Variants in GHR observed in about 807,000 individuals in gnomAD.
The protein encoded by GHR is GH receptor.
A neutral mutation model predicts 67.1 loss-of-function variants in GHR; 35 were observed. The observed-to-expected ratio is 0.52, with a 90% CI of 0.40 to 0.69. The LOEUF (loss-of-function observed/expected upper bound fraction) is 0.69. Ranked by LOEUF, GHR falls within the 30% of genes least tolerant of loss-of-function variation. The probability of loss-of-function intolerance (pLI) is 0.00; values close to 1 mark genes in which losing one functional copy is unlikely to be tolerated. For missense variants in GHR, 792 were observed against 764.6 expected, an observed-to-expected ratio of 1.04 and a Z score of -0.42; for synonymous variants, 272 against 269.1, an observed-to-expected ratio of 1.01 and a Z score of -0.10.
At chr5:42,621,915 A>G (rs1753465108) in intron 2 of GHR, among the ~76,000 whole-genome samples, 1 of 152,204 alleles carries the variant, frequency 6.6e-6, no homozygotes, top group Admixed American at 6.5e-5. Flanking sequence ...TGTTTAGATT[A>G]CACAGGCTTC....
intron 3 of GHR, among the ~76,000 whole-genome samples, chr5:42,645,471 C>A (rs940384606): frequency 1.3e-5 from 2 of 152,160 alleles, no homozygotes; most frequent in Non-Finnish European, 2.9e-5. Flanking sequence ...AACCAATAGG[C>A]TTTTTATTTA....
chr5:42,559,976 GAT>G (rs960654616), intron 1 of GHR, among the ~76,000 whole-genome samples: 2 of 152,050 alleles, frequency 1.3e-5, no homozygotes, highest in African/African-American at 4.8e-5. Flanking sequence ...AGATCAACTA[GAT>G]ATAATTTCAC....
intron 8 of GHR, among the ~76,000 whole-genome samples, chr5:42,714,953 A>G (rs1246279529): frequency 1.3e-5 from 2 of 152,174 alleles, no homozygotes; most frequent in Non-Finnish European, 2.9e-5. Context: ...ATTTCTAGCC[A>G]TTGTGAAGGC....
At chr5:42,533,666 TTATTA>T (rs1483402316) in intron 1 of GHR, among the ~76,000 whole-genome samples, 5 of 151,940 alleles carry the variant, frequency 3.3e-5, no homozygotes, top group African/African-American at 7.2e-5. Flanking sequence ...GAGAATGCTT[TTATTA>T]TATTATATCT....
chr5:42,550,006 T>C (rs566845048), intron 1 of GHR: 2 of 488,640 alleles, frequency 4.1e-6, no homozygotes, highest in African/African-American at 4.2e-5. Flanking sequence ...ACCAGCCAGC[T>C]GGGGAAGGCC....
rs755252595 is a variant in GHR at position 42,719,303 on chromosome 5, A to G, written c.1796A>G (p.His599Arg). 2 of 1,614,166 alleles carry G rather than the reference A, an allele frequency of 1.2e-6. No individual in the cohort carries two copies. The highest frequency in any genetic ancestry group is 1.1e-5 in the South Asian group (1 of 91,088). ...EMPVPDYTSI[H>R]IVQSPQGLIL... is the part of the protein sequence containing the mutation. ...CCTGTCCCAGACTATACCTCCATTCATATAGTACAGTCCCCACAGGGCCTC... is the reference window on the plus strand; with the variant it reads ...CCTGTCCCAGACTATACCTCCATTCGTATAGTACAGTCCCCACAGGGCCTC... The change falls in exon 10 of 10, where the codon CAT becomes CGT. Residue 599 changes from histidine to arginine, a missense_variant. Coordinates refer to ENST00000230882, the MANE Select transcript of GHR (RefSeq NM_000163.5).
intron 1 of GHR, among the ~76,000 whole-genome samples, chr5:42,544,681 G>A (rs146573454): frequency 1.3e-5 from 2 of 152,128 alleles, no homozygotes; most frequent in African/African-American, 4.8e-5. Context: ...GAAAATATTA[G>A]GTATACAAAG....
chr5:42,492,991 C>T (rs1746176232), intron 1 of GHR, among the ~76,000 whole-genome samples: 2 of 152,182 alleles, frequency 1.3e-5, no homozygotes. Context: ...GGATCACTAA[C>T]AGGAATGTGT....
chr5:42,562,839 C>T (rs1579944347), intron 1 of GHR, among the ~76,000 whole-genome samples: 2 of 151,676 alleles, frequency 1.3e-5, no homozygotes, highest in Non-Finnish European at 2.9e-5. Flanking sequence ...TTAGTAGAGA[C>T]GGGGTTTCAC....
At chr5:42,484,423 A>G (rs1200965368) in intron 1 of GHR, among the ~76,000 whole-genome samples, 8 of 152,244 alleles carry the variant, frequency 5.3e-5, no homozygotes, top group Admixed American at 4.6e-4. Context: ...TGCATCAGAA[A>G]TAAGCATTTT....
intron 1 of GHR, among the ~76,000 whole-genome samples, chr5:42,493,380 A>G (rs1746195729): frequency 6.6e-6 from 1 of 152,228 alleles, no homozygotes; most frequent in South Asian, 2.1e-4. Flanking sequence ...CTGCCTAAGT[A>G]TTTAAACACT....
intron 3 of GHR, among the ~76,000 whole-genome samples, chr5:42,661,241 G>A (rs1202976153): frequency 6.6e-6 from 1 of 152,094 alleles, no homozygotes; most frequent in East Asian, 1.9e-4. Flanking sequence ...TCAGATTCAG[G>A]AAATACAAAG....
At chr5:42,681,449 C>T (rs1360866189) in intron 3 of GHR, among the ~76,000 whole-genome samples, 1 of 152,134 alleles carries the variant, frequency 6.6e-6, no homozygotes, top group Non-Finnish European at 1.5e-5. Flanking sequence ...GTTAAAAAGT[C>T]AGGAAACAAC....
chr5:42,445,125 G>A (rs573274132), intron 1 of GHR, among the ~76,000 whole-genome samples: 1 of 152,304 alleles, frequency 6.6e-6, no homozygotes, highest in East Asian at 1.9e-4. Context: ...GCTATACATT[G>A]AATTTTTTGT....
chr5:42,628,026 G>C (rs567685890), intron 2 of GHR, among the ~76,000 whole-genome samples: 1 of 152,082 alleles, frequency 6.6e-6, no homozygotes, highest in Non-Finnish European at 1.5e-5. Context: ...CTCTGAAGTC[G>C]GGCAGCCCAG....
At chr5:42,500,378 T>TTAAA (rs1441833481) in intron 1 of GHR, among the ~76,000 whole-genome samples, 1 of 152,242 alleles carries the variant, frequency 6.6e-6, no homozygotes, top group Non-Finnish European at 1.5e-5. Flanking sequence ...TAAATCTGGG[T>TTAAA]TCTGCCCTTC....
chr5:42,508,813 A>G (rs1746887261), intron 1 of GHR, among the ~76,000 whole-genome samples: 1 of 152,166 alleles, frequency 6.6e-6, no homozygotes, highest in Non-Finnish European at 1.5e-5. Flanking sequence ...TGACCTTGTG[A>G]TCCACCCGGC....
intron 1 of GHR, among the ~76,000 whole-genome samples, chr5:42,443,760 AAT>A (rs140937785): frequency 5.8e-4 from 88 of 152,182 alleles, no homozygotes; most frequent in African/African-American, 2.1e-3. Context: ...TCCGCTGCAG[AAT>A]TTCCCTTTGC....
At chr5:42,494,947 G>T (rs1442689909) in intron 1 of GHR, among the ~76,000 whole-genome samples, 1 of 151,946 alleles carries the variant, frequency 6.6e-6, no homozygotes, top group Non-Finnish European at 1.5e-5. Context: ...CCCTTAGAAG[G>T]GTGATGGAAG....
Sources: gnomAD v4.1 joint callset for allele counts (sites outside exome capture counted in the v4.1 genomes callset) on GRCh38, gnomAD v4.1.1 for gene constraint, MANE v1.5 for transcripts, NCBI Gene and HGNC (gene_info 2026-07-23, HGNC 2026-07-21) for gene names.